Variants in ZNF442 observed in about 807,000 individuals in gnomAD.
The protein encoded by ZNF442 is zinc finger protein 442.
Under a neutral mutation model 57.0 loss-of-function variants are expected in ZNF442, and 45 were observed. The observed-to-expected ratio is 0.79, with a 90% CI of 0.62 to 1.01. ZNF442 has a LOEUF of 1.01. ZNF442 is among the 50% of genes least tolerant of loss of function. The pLI is 0.00. For missense variants in ZNF442, 690 were observed against 756.5 expected, an observed-to-expected ratio of 0.91 and a Z score of 1.03; for synonymous variants, 213 against 241.8, an observed-to-expected ratio of 0.88 and a Z score of 1.10.
intron 3 of ZNF442, among the ~76,000 whole-genome samples, chr19:12,354,405 T>G (rs1462357261): frequency 1.3e-5 from 2 of 152,232 alleles, no homozygotes; most frequent in African/African-American, 2.4e-5. Flanking sequence ...AACTCAATGT[T>G]ACCTCTCATG....
rs1001569831 is a variant in ZNF442, at chr19:12,350,443, T to A, written c.1142A>T (p.Gln381Leu). 6 of 1,613,990 alleles carry A rather than the reference T, an allele frequency of 3.7e-6. No individual in the cohort carries two copies. The highest frequency in any genetic ancestry group is 5.1e-6 in the Non-Finnish European group (6 of 1,179,942). The part of the protein sequence containing the change: ...HTGEKPYECK[Q>L]CGKALSHHSS... The stretch of plus-strand genomic sequence containing the variant: ...GTGATGAGATAACGCTTTCCCACAC[T>A]GCTTGCATTCATAGGGTTTCTCTCC... Residue 381 changes from glutamine (Q) to leucine (L), a missense_variant, in exon 6 of 6, where the codon CAG (glutamine) becomes CTG (leucine). Coordinates refer to ENST00000242804, the MANE Select transcript of ZNF442 (RefSeq NM_030824.3).
rs886692048 is a variant in ZNF442 at position 12,365,106 on chromosome 19, C to T, written c.-345G>A. 6.5e-6 allele frequency: 1 copy of T among 152,940 alleles called. No homozygotes were observed. Among genetic ancestry groups the T allele is most frequent in the African/African-American group, 2.4e-5 (1 of 41,458 alleles). The allele number at this position is 152,940 out of a possible 1,614,324, so 9.5% of individuals were successfully genotyped here. A position where few individuals can be genotyped will look rare whatever the true frequency, so the allele number is the denominator to read the frequency against. Reference sequence around the variant, plus strand: ...CGCCCCTGTCCAGACCCCTAAACACCCCCATCCCCAAACCTCTCATGGAGG... The same window carrying T: ...CGCCCCTGTCCAGACCCCTAAACACTCCCATCCCCAAACCTCTCATGGAGG... On this transcript the variant is annotated 5_prime_UTR_variant, in exon 2 of 6. Coordinates refer to ENST00000242804, the MANE Select transcript of ZNF442 (RefSeq NM_030824.3).
intron 3 of ZNF442, 122 bp from the exon 4 acceptor site, chr19:12,353,236 C>T (rs1333124627): frequency 9.6e-7 from 1 of 1,039,156 alleles, no homozygotes; most frequent in Non-Finnish European, 1.4e-6. Context: ...ATGGTAAATC[C>T]ACCCTTATTC....
chr19:12,373,411 G>A, the ZNF442 span, among the ~76,000 whole-genome samples: 25 of 152,168 alleles, frequency 1.6e-4, no homozygotes, highest in African/African-American at 4.6e-4. Flanking sequence ...GCATGGTGGC[G>A]CACACCTATA....
chr19:12,367,301 G>C (rs1178526011), upstream of ZNF442, among the ~76,000 whole-genome samples: 1 of 152,150 alleles, frequency 6.6e-6, no homozygotes, highest in African/African-American at 2.4e-5. Context: ...GTTTTTATTA[G>C]GGATTCTAAT....
At chr19:12,351,452 C>G in intron 5 of ZNF442, 134 bp from the exon 6 acceptor site, 1 of 775,150 alleles carries the variant, frequency 1.3e-6, no homozygotes, top group Non-Finnish European at 2.0e-6. Flanking sequence ...CGTGAATGGA[C>G]TGAATGTTGT....
At chr19:12,362,959 T>C (rs1969461757) in intron 3 of ZNF442, among the ~76,000 whole-genome samples, 1 of 149,734 alleles carries the variant, frequency 6.7e-6, no homozygotes, top group East Asian at 1.9e-4. Flanking sequence ...CTGGCCAACA[T>C]AGTGAAACCC....
chr19:12,347,753 G>A lies in ZNF442; in HGVS notation c.*1948C>T, dbSNP rs903856908. 6.6e-6 allele frequency: 1 copy of A among 152,186 alleles called. No individual in the cohort carries two copies. Among genetic ancestry groups the A allele is most frequent in the African/African-American group, 2.4e-5 (1 of 41,440 alleles). 9.4% of individuals were successfully genotyped at this position (152,186 alleles called of 1,614,324 possible). On this transcript the variant is annotated 3_prime_UTR_variant, in exon 6 of 6. Transcript: ENST00000242804. ...CCTTTAAAAAAGCCTCAGGCTGTAA[G>A]AGAAGTTTGCACCTGACCCTGCCGC... is the stretch of plus-strand genomic sequence containing the variant.
rs1969152332 is a variant in ZNF442, at chr19:12,347,916, T to C, written c.*1785A>G. On this transcript the variant is annotated 3_prime_UTR_variant, in exon 6 of 6. Transcript: ENST00000242804. ...ACTAACAAGGAACTCGAAGATATAC[T>C]GAAATTCTCTGCAGATAATGATGAT... 6.6e-6 allele frequency: 1 copy of C among 152,184 alleles called. No individual in the cohort carries two copies. 9.4% of individuals were successfully genotyped at this position (152,184 alleles called of 1,614,324 possible).
At position 12,350,219 on chromosome 19, in the gene ZNF442, T is replaced by G. The variant is rs1287865314; in HGVS notation, c.1366A>C (p.Thr456Pro). ...TTACATTTATAGGGTTTCTCTCCAG[T>G]GTGAGTTGTTTCATGTCTTCGAAGG... ...SSLRRHETTHTGEKPYKCKCG... is the reference protein window; with the variant it reads ...SSLRRHETTHPGEKPYKCKCG... Residue 456 changes from threonine to proline, a missense_variant, in exon 6 of 6, where the codon ACT becomes CCT. Physicochemically the swap from Thr to Pro is conservative, Grantham distance 38. Transcript: ENST00000242804. The G allele has an allele frequency of 6.2e-7, 1 of 1,614,104 alleles. No homozygotes were observed. The highest frequency in any genetic ancestry group is 8.5e-7 in the Non-Finnish European group (1 of 1,180,014).
chr19:12,360,189 T>G (rs191063215), intron 3 of ZNF442, among the ~76,000 whole-genome samples: 2 of 152,304 alleles, frequency 1.3e-5, no homozygotes, highest in Admixed American at 1.3e-4. Flanking sequence ...ATCTTATACT[T>G]GATGCTTTCC....
At chr19:12,355,868 C>T (rs754848144) in intron 3 of ZNF442, among the ~76,000 whole-genome samples, 6 of 151,902 alleles carry the variant, frequency 3.9e-5, no homozygotes, top group Non-Finnish European at 7.4e-5. Context: ...ACCTGGGAGG[C>T]TGATGCCTGT....
Position 12,351,179 on chromosome 19 carries a change from A to G in ZNF442, c.406T>C (p.Phe136Leu), listed in dbSNP as rs534921580. 1.2e-6 allele frequency: 2 copies of G among 1,614,108 alleles called. No individual in the cohort carries two copies. The highest frequency in any genetic ancestry group is 4.5e-5 in the East Asian group (2 of 44,870). ...TCATCTGGTTTGTGTCCAGCATCAA[A>G]TGTGATATAGCAATTAAGGAATGAA... ...GCSFLNCYITFDAGHKPDECQ... is the reference protein window; with the variant it reads ...GCSFLNCYITLDAGHKPDECQ... The change falls in exon 6 of 6, where the codon TTT (phenylalanine) becomes CTT (leucine). Residue 136 changes from phenylalanine (F) to leucine (L), a missense_variant. Physicochemically the swap from Phe to Leu is conservative, Grantham distance 22. Coordinates refer to ENST00000242804, the MANE Select transcript of ZNF442 (RefSeq NM_030824.3).
Position 12,350,364 on chromosome 19 carries a change from G to A in ZNF442, c.1221C>T (p.Cys407=), listed in dbSNP as rs759273034. 4.3e-5 allele frequency: 69 copies of A among 1,613,612 alleles called. No individual in the cohort carries two copies. The Admixed American group carries it at 6.7e-4, about 16-fold the overall frequency. ...IMHTGDGPHK[C]KVCGKAFIYP... ...AAATGAAGGCTTTCCCACATACCTT[G>A]CATTTGTGAGGTCCATCTCCAGTGT... Residue 407 remains cysteine (C), a synonymous_variant, in exon 6 of 6, where the codon TGC becomes TGT. Coordinates refer to ENST00000242804, the MANE Select transcript of ZNF442 (RefSeq NM_030824.3).
chr19:12,349,725 C>T lies in ZNF442; in HGVS notation c.1860G>A (p.Arg620=), dbSNP rs901617122. 16 of 1,610,484 alleles carry T rather than the reference C, an allele frequency of 9.9e-6. No homozygotes were observed. In the Admixed American group the frequency reaches 1.3e-4, roughly 14 times the overall value. Residue 620 remains arginine, a synonymous_variant, in exon 6 of 6, where the codon AGG becomes AGA. Coordinates refer to ENST00000242804, the MANE Select transcript of ZNF442 (RefSeq NM_030824.3). ...TTTATAGAGTATCTCTCCAGTGAGT[C>T]CTTTTATGTCTATGCAAGGAACTGA... ...SSLSSLHRHK[R]THWRDTL is the part of the protein sequence containing the mutation.
chr19:12,369,153 AAGG>A (rs1207489413), upstream of ZNF442, among the ~76,000 whole-genome samples: 1 of 151,944 alleles, frequency 6.6e-6, no homozygotes, highest in African/African-American at 2.4e-5. Context: ...CTGGCCAGAG[AAGG>A]AGAAGGGGTC....
In ZNF442 at chr19:12,358,407, T is replaced by C. The variant is rs564298537; in HGVS notation, c.78+5147A>G. The stretch of plus-strand genomic sequence containing the variant: ...TTTTCATGGCTGAATAGTATCCCAA[T>C]GAGTATACACACCACGTTTTATTTA... On this transcript the variant is annotated intron_variant, in intron 3 of 5. Transcript: ENST00000242804. Among the ~76,000 whole-genome samples, 7 of 152,344 alleles carry C rather than the reference T, an allele frequency of 4.6e-5. No individual in the cohort carries two copies. In the East Asian group the frequency reaches 9.6e-4, roughly 21 times the overall value.
At chr19:12,367,787 G>A (rs1011666275), upstream of ZNF442, among the ~76,000 whole-genome samples, 1 of 152,052 alleles carries the variant, frequency 6.6e-6, no homozygotes, top group African/African-American at 2.4e-5. Context: ...TCCTGCCTAA[G>A]CCTCCCAAGT....
chr19:12,368,745 A>G (rs1291954552), upstream of ZNF442, among the ~76,000 whole-genome samples: 4 of 152,204 alleles, frequency 2.6e-5, no homozygotes, highest in African/African-American at 9.7e-5. Flanking sequence ...GCTAGGACAG[A>G]TAATAAAGAA....
Sources: gnomAD v4.1 joint callset for allele counts (sites outside exome capture counted in the v4.1 genomes callset) on GRCh38, gnomAD v4.1.1 for gene constraint, MANE v1.5 for transcripts, NCBI Gene and HGNC (gene_info 2026-07-23, HGNC 2026-07-21) for gene names.